The following ZC3H7A variants were observed in gnomAD, a reference collection of about 807,000 sequenced individuals.
ZC3H7A encodes zinc finger CCCH domain-containing protein 7A.
In ZC3H7A, 44 loss-of-function variants were observed where a neutral mutation model predicts 125.5. That is an observed-to-expected ratio of 0.35 (90% CI 0.28 to 0.45). The LOEUF (loss-of-function observed/expected upper bound fraction) is 0.45, where lower values mean the gene tolerates loss of function less well. Ranked by LOEUF, ZC3H7A falls within the 20% of genes least tolerant of loss-of-function variation. ZC3H7A has a pLI of 1.00. For missense variants in ZC3H7A, 977 were observed against 1,170.7 expected, an observed-to-expected ratio of 0.83 and a Z score of 2.41; for synonymous variants, 399 against 391.2, an observed-to-expected ratio of 1.02 and a Z score of -0.23.
At chr16:11,789,847 G>A (rs555370614) in intron 1 of ZC3H7A, among the ~76,000 whole-genome samples, 3 of 151,870 alleles carry the variant, frequency 2.0e-5, no homozygotes, top group South Asian at 2.1e-4. Flanking sequence ...TTGGGAGGCC[G>A]AGGCAGGCAG....
At chr16:11,777,911 C>G (rs1440103058) in intron 4 of ZC3H7A, among the ~76,000 whole-genome samples, 1 of 151,056 alleles carries the variant, frequency 6.6e-6, no homozygotes, top group Non-Finnish European at 1.5e-5. Flanking sequence ...CTCAGCTACT[C>G]GGGAAGCTGA....
chr16:11,751,095 C>T lies in ZC3H7A; in HGVS notation c.*222G>A, dbSNP rs912815199. ...AAAAGTCTGTTCAACAGATGGCAAC[C>T]GGGTAGCAGTCACTTCACCATCTGA... is the stretch of plus-strand genomic sequence containing the variant. On this transcript the variant is annotated 3_prime_UTR_variant, in exon 23 of 23. Transcript: ENST00000355758. 1.5e-4 allele frequency: 66 copies of T among 446,638 alleles called. No homozygotes were observed. The highest frequency in any genetic ancestry group is 1.3e-3 in the African/African-American group (64 of 50,028). 27.7% of individuals were successfully genotyped at this position (446,638 alleles called of 1,614,324 possible).
Position 11,765,089 on chromosome 16 carries a change from G to A in ZC3H7A, c.1784C>T (p.Ser595Phe). 6.3e-7 allele frequency: 1 copy of A among 1,591,958 alleles called. No homozygotes were observed. The highest frequency in any genetic ancestry group is 8.5e-7 in the Non-Finnish European group (1 of 1,170,652). ...KRNKDNSTAC[S>F]HPVTKHEFED... is the part of the protein sequence containing the mutation. Reference sequence around the variant, plus strand: ...AAACTCATGCTTTGTAACCGGGTGAGAACAAGCAGTAGAATTATCTTTATT... The same window carrying A: ...AAACTCATGCTTTGTAACCGGGTGAAAACAAGCAGTAGAATTATCTTTATT... Residue 595 changes from serine (S) to phenylalanine (F), a missense_variant, in exon 15 of 23, where the codon TCT becomes TTT. Ser to Phe is a radical substitution (Grantham distance 155, BLOSUM62 -2). This residue lies in a region of ZC3H7A where 436 missense variants were observed against 603.2 expected (regional missense o/e 0.72). Transcript: ENST00000355758. The surrounding 1 kb of genome is among the most constrained non-coding windows in gnomAD (Gnocchi z 4.8).
At chr16:11,789,872 G>A (rs1467566194) in intron 1 of ZC3H7A, among the ~76,000 whole-genome samples, 1 of 151,916 alleles carries the variant, frequency 6.6e-6, no homozygotes, top group East Asian at 1.9e-4. Context: ...CTTGAAGTCA[G>A]GAGTTCCAGA....
At chr16:11,783,964 C>T (rs964067748) in intron 1 of ZC3H7A, among the ~76,000 whole-genome samples, 1 of 148,114 alleles carries the variant, frequency 6.8e-6, no homozygotes, top group African/African-American at 2.5e-5. Flanking sequence ...CTTTAAAATA[C>T]TCCAGTAACA....
chr16:11,769,537 G>A (rs2052932636), intron 10 of ZC3H7A, among the ~76,000 whole-genome samples: 1 of 151,182 alleles, frequency 6.6e-6, no homozygotes, highest in Non-Finnish European at 1.5e-5. Flanking sequence ...GTGAAACCCT[G>A]TCTCTACTGA....
In ZC3H7A at chr16:11,779,199, T is replaced by C. The variant is rs769356277; in HGVS notation, c.273A>G (p.Leu91=). The change falls in exon 4 of 23, where the codon CTA becomes CTG. Residue 91 remains leucine (L), a synonymous_variant. Coordinates refer to ENST00000355758, the MANE Select transcript of ZC3H7A (RefSeq NM_014153.4). ...AATAGCAGGCAATACGATTTATATA[T>C]AGTTTTTCAATTATTTCTTTGGGGA... ...ILIPKEIIEK[L]YINRIACYSN... The C allele has an allele frequency of 1.2e-5, 19 of 1,607,546 alleles. No homozygotes were observed. In the South Asian group the frequency reaches 1.4e-4, roughly 12 times the overall value.
intron 7 of ZC3H7A, among the ~76,000 whole-genome samples, chr16:11,775,372 G>GA (rs749691344): frequency 2.0e-3 from 256 of 126,872 alleles, no homozygotes; most frequent in Middle Eastern, 7.8e-3. Context: ...CTCTGTCTTG[G>GA]AAAAAAAAAA....
At chr16:11,782,091 CA>C (rs36054156) in intron 2 of ZC3H7A, among the ~76,000 whole-genome samples, 195 bp downstream of exon 2, 51 of 152,222 alleles carry the variant, frequency 3.4e-4, no homozygotes, top group Non-Finnish European at 6.0e-4. Flanking sequence ...TAAAAGCCAG[CA>C]AAAGTAACAC....
rs2052651454 is a variant in ZC3H7A, at chr16:11,756,495, T to C, written c.2429-125A>G. ...GAAACTCAAGGGGGCTGAAGGAGAC[T>C]ATTATATTAGACATGGAGAGATCAC... On this transcript the variant is annotated intron_variant, in intron 20 of 22. Coordinates refer to ENST00000355758, the MANE Select transcript of ZC3H7A (RefSeq NM_014153.4). The C allele has an allele frequency of 7.3e-6, 9 of 1,229,612 alleles. No individual in the cohort carries two copies. The East Asian group carries it at 2.2e-4, about 30-fold the overall frequency. 76.2% of individuals were successfully genotyped at this position (1,229,612 alleles called of 1,614,324 possible).
intron 20 of ZC3H7A, 61 bp downstream of exon 20, chr16:11,758,370 T>C (rs2052688215): frequency 3.2e-6 from 4 of 1,250,230 alleles, no homozygotes; most frequent in Admixed American, 1.7e-5. Flanking sequence ...GGCATATTTA[T>C]AGAGAGGAAA....
At chr16:11,784,828 T>C (rs1283520153) in intron 1 of ZC3H7A, among the ~76,000 whole-genome samples, 1 of 131,504 alleles carries the variant, frequency 7.6e-6, no homozygotes, top group Non-Finnish European at 1.6e-5. Context: ...CACTCCAGCC[T>C]GGGCAACAAG....
At chr16:11,776,398 A>T (rs2053080838) in intron 6 of ZC3H7A, 40 bp from the exon 7 acceptor site, 1 of 1,604,034 alleles carries the variant, frequency 6.2e-7, no homozygotes, top group African/African-American at 1.3e-5. Flanking sequence ...AACAGAACTG[A>T]CTCCAAGTTC....
At position 11,776,836 on chromosome 16, in the gene ZC3H7A, T is replaced by C; in HGVS notation, c.380A>G (p.Tyr127Cys). Reference sequence around the variant, plus strand: ...ATCACTTAAAGCCTTAGATTTCCGATACAGAGCTTTGCAGTTACTGGCATT... The same window carrying C: ...ATCACTTAAAGCCTTAGATTTCCGACACAGAGCTTTGCAGTTACTGGCATT... ...SLNASNCKAL[Y>C]RKSKALSDLG... The change falls in exon 5 of 23, where the codon TAT (tyrosine) becomes TGT (cysteine). Residue 127 changes from tyrosine to cysteine, a missense_variant. By Grantham distance (194) the Tyr-to-Cys change is radical. Transcript: ENST00000355758. 6.2e-7 allele frequency: 1 copy of C among 1,613,952 alleles called. No individual in the cohort carries two copies. The highest frequency in any genetic ancestry group is 8.5e-7 in the Non-Finnish European group (1 of 1,179,952).
rs967873589 is a variant in ZC3H7A at position 11,752,651 on chromosome 16, T to C, written c.2726+18A>G. ...GGTCAGCAATTCTGACATGGAAAAATTGTAGAAACCTACATACCTATCACA... is the reference window on the plus strand; with the variant it reads ...GGTCAGCAATTCTGACATGGAAAAACTGTAGAAACCTACATACCTATCACA... On this transcript the variant is annotated intron_variant, in intron 22 of 22. Coordinates refer to ENST00000355758, the MANE Select transcript of ZC3H7A (RefSeq NM_014153.4). 7 of 1,588,160 alleles carry C rather than the reference T, an allele frequency of 4.4e-6. No homozygotes were observed. Among genetic ancestry groups the C allele is most frequent in the Non-Finnish European group, 6.0e-6 (7 of 1,168,098 alleles).
At position 11,768,365 on chromosome 16, in the gene ZC3H7A, T is replaced by A; in HGVS notation, c.1310A>T (p.Glu437Val). 1 of 1,589,154 alleles carries A rather than the reference T, an allele frequency of 6.3e-7. No individual in the cohort carries two copies. Among genetic ancestry groups the A allele is most frequent in the African/African-American group, 1.3e-5 (1 of 74,610 alleles). The change falls in exon 12 of 23, where the codon GAA (glutamate) becomes GTA (valine). Residue 437 changes from glutamate (E) to valine (V), a missense_variant. Around this residue, in one of 3 missense-constraint regions of ZC3H7A, gnomAD observed 342 missense variants for 311.3 expected, o/e 1.10. Coordinates refer to ENST00000355758, the MANE Select transcript of ZC3H7A (RefSeq NM_014153.4). ...SSSVTPRHPLEGTHELRQACQ... is the reference protein window; with the variant it reads ...SSSVTPRHPLVGTHELRQACQ... The stretch of plus-strand genomic sequence containing the variant: ...AGCTTGTCTCAATTCATGGGTTCCT[T>A]CGAGGGGATGTCTTGGAGTCACTGA...
chr16:11,768,656 G>C, intron 11 of ZC3H7A, 155 bp from the exon 12 acceptor site: 1 of 714,530 alleles, frequency 1.4e-6, no homozygotes, highest in Non-Finnish European at 2.0e-6. Flanking sequence ...CTTAAAAACT[G>C]TCTCTTTCTA....
intron 10 of ZC3H7A, among the ~76,000 whole-genome samples, chr16:11,769,780 C>CTTTCTT (rs1567381580): frequency 1.8e-5 from 1 of 55,360 alleles, no homozygotes; most frequent in African/African-American, 1.6e-4. Context: ...TTTTCAATTG[C>CTTTCTT]TTTCTTTTTT....
In ZC3H7A at chr16:11,751,491, G is replaced by A; in HGVS notation, c.2742C>T (p.Thr914=). ...ATTTACAGCTGTTTCCTTCTGGGCA[G>A]GTGCCATTCATATACCTGTAAGGAG... ...FSICDRYMNG[T]CPEGNSCKFA... The change falls in exon 23 of 23, where the codon ACC becomes ACT. Residue 914 remains threonine (T), a synonymous_variant. Coordinates refer to ENST00000355758, the MANE Select transcript of ZC3H7A (RefSeq NM_014153.4). 1 of 1,613,890 alleles carries A rather than the reference G, an allele frequency of 6.2e-7. No homozygotes were observed. Among genetic ancestry groups the A allele is most frequent in the South Asian group, 1.1e-5 (1 of 91,010 alleles).
Sources: allele counts gnomAD v4.1 joint callset (sites outside exome capture counted in the v4.1 genomes callset), GRCh38; gene constraint gnomAD v4.1.1; regional missense constraint gnomAD v4.1.1; non-coding constraint Gnocchi (gnomAD v3.1); transcripts MANE v1.5; gene names NCBI Gene and HGNC (gene_info 2026-07-23, HGNC 2026-07-21).